ADGB: variants seen among roughly 807,000 people sequenced by gnomAD.
The protein encoded by ADGB is calpain-7-like protein.
A neutral mutation model predicts 210.5 loss-of-function variants in ADGB; 172 were observed. That is an observed-to-expected ratio of 0.82 (90% CI 0.72 to 0.93). The LOEUF is 0.93. Among genes scored for constraint, ADGB ranks in the 40% least tolerant of loss-of-function variants. The pLI, the probability that ADGB is intolerant of heterozygous loss-of-function variation, is 0.00. For missense variants in ADGB, 2,025 were observed against 1,964.8 expected (o/e 1.03, Z -0.58); for synonymous variants, 658 against 662.7 (o/e 0.99, Z 0.11).
chr6:146,633,518 A>C (rs1325687552), intron 1 of ADGB, among the ~76,000 whole-genome samples: 1 of 151,776 alleles, frequency 6.6e-6, no homozygotes, highest in East Asian at 1.9e-4. Context: ...CCTCCCACTC[A>C]CACAGCTTAA....
rs6928612 is a variant in ADGB, at chr6:146,699,026, T to C, written c.1578-1915T>C. On this transcript the variant is annotated intron_variant, in intron 12 of 35. Transcript: ENST00000397944. ...TTTTTCTAAACTTAACATAAAAATG[T>C]TAATGCTTCATGATTTCTGATTAAT... Among the ~76,000 whole-genome samples the C allele has an allele frequency of 6.4e-3, 971 of 152,316 alleles. 12 individuals are homozygous for C. Among genetic ancestry groups the C allele is most frequent in the African/African-American group, 0.021 (872 of 41,580 alleles).
At chr6:146,805,535 A>G (rs1778198060) in intron 35 of ADGB, among the ~76,000 whole-genome samples, 1 of 152,206 alleles carries the variant, frequency 6.6e-6, no homozygotes, top group Non-Finnish European at 1.5e-5. Context: ...TTTACATTTC[A>G]TTAAGAAATA....
At chr6:146,650,597 CAAAAAAAAAAAAAAAAAAAAAAA>C (rs57913607) in intron 3 of ADGB, among the ~76,000 whole-genome samples, 3 of 36,536 alleles carry the variant, frequency 8.2e-5, no homozygotes, top group African/African-American at 1.3e-4. Context: ...TCCCTCCCAC[CAAAAAAAAAAAAAAAAAAAAAAA>C]AAAAAAAAAA....
chr6:146,652,453 A>G (rs978939519), intron 3 of ADGB, among the ~76,000 whole-genome samples: 3 of 152,174 alleles, frequency 2.0e-5, no homozygotes, highest in Admixed American at 6.5e-5. Flanking sequence ...TGCTGCTTGT[A>G]TAGATGAGTG....
chr6:146,733,225 C>G lies in ADGB; in HGVS notation c.2626C>G (p.Leu876Val), dbSNP rs766170871. The G allele has an allele frequency of 1.7e-5, 26 of 1,537,786 alleles. No individual in the cohort carries two copies. Among genetic ancestry groups the G allele is most frequent in the Non-Finnish European group, 2.3e-5 (26 of 1,139,884 alleles). ...GGCTATGGTTTTGGACTTGGAGTTA[C>G]TCAATTCCTCCTTGGAAGAGGTTTC... ...FRAMVLDLEL[L>V]NSSLEEVSLV... The change falls in exon 21 of 36, where the codon CTC (leucine) becomes GTC (valine). Residue 876 changes from leucine to valine, a missense_variant. Physicochemically the swap from Leu to Val is conservative, Grantham distance 32 (BLOSUM62 1). Transcript: ENST00000397944.
intron 12 of ADGB, among the ~76,000 whole-genome samples, chr6:146,698,061 A>G (rs2114540463): frequency 6.6e-6 from 1 of 152,298 alleles, no homozygotes. Context: ...TGGTGTTGGA[A>G]GTAACCAATG....
intron 35 of ADGB, among the ~76,000 whole-genome samples, chr6:146,806,561 C>T (rs181101343): frequency 3.7e-4 from 56 of 152,270 alleles, no homozygotes; most frequent in African/African-American, 1.3e-3. Flanking sequence ...GCTTTTCCAA[C>T]ATCTCAATAA....
At position 146,616,900 on chromosome 6, in the gene ADGB, T is replaced by G. The variant is rs558780917; in HGVS notation, c.74+17786T>G. ...GTGTGATGCCTCGAGCTTTGTCCTT[T>G]TCATTGAGGATTGCTTTGGTTATTC... On this transcript the variant is annotated intron_variant, in intron 1 of 35. Transcript: ENST00000397944. Among the ~76,000 whole-genome samples the G allele has an allele frequency of 2.0e-5, 3 of 152,266 alleles. No individual in the cohort carries two copies. The East Asian group carries it at 5.8e-4, about 29-fold the overall frequency.
At chr6:146,777,917 G>A in intron 29 of ADGB, among the ~76,000 whole-genome samples, 1 of 152,276 alleles carries the variant, frequency 6.6e-6, no homozygotes, top group African/African-American at 2.4e-5. Context: ...GCCTCAAGAT[G>A]TGCATTTTAC....
At position 146,740,528 on chromosome 6, in the gene ADGB, TG is replaced by T. The variant is rs1463838967; in HGVS notation, c.2959del (p.Ala987LeufsTer7). On this transcript the variant is annotated frameshift_variant, in exon 24 of 36. Coordinates refer to ENST00000397944, the MANE Select transcript of ADGB (RefSeq NM_024694.4). LOFTEE classifies it high-confidence loss of function. ...PCYQDEETKIAFADYTVTYQE... is the reference protein window; with the variant it reads ...PCYQDEETKIXFADYTVTYQE... ...GCTATCAAGATGAAGAAACTAAGATTGCTTTTGCAGATTATACTGTGACTTA... is the reference window on the plus strand; with the variant it reads ...GCTATCAAGATGAAGAAACTAAGATTCTTTTGCAGATTATACTGTGACTTA... The T allele has an allele frequency of 1.9e-6, 3 of 1,550,452 alleles. No individual in the cohort carries two copies. The highest frequency in any genetic ancestry group is 1.7e-6 in the Non-Finnish European group (2 of 1,146,278).
intron 12 of ADGB, among the ~76,000 whole-genome samples, chr6:146,700,035 C>T (rs1021318120): frequency 2.0e-5 from 3 of 152,214 alleles, no homozygotes; most frequent in African/African-American, 7.2e-5. Context: ...ACATATTCAT[C>T]TCTGACAGAG....
intron 1 of ADGB, among the ~76,000 whole-genome samples, chr6:146,627,242 G>A (rs1368159210): frequency 5.3e-5 from 8 of 152,034 alleles, no homozygotes. Flanking sequence ...ACCTGTGTCA[G>A]TTATGTGTTT....
At chr6:146,617,333 A>G (rs1431213191) in intron 1 of ADGB, among the ~76,000 whole-genome samples, 8 of 151,816 alleles carry the variant, frequency 5.3e-5, no homozygotes, top group Admixed American at 6.6e-5. Context: ...CAGTTCTGTA[A>G]TTTGGTGGAG....
At chr6:146,715,157 G>T (rs774440152) in intron 13 of ADGB, among the ~76,000 whole-genome samples, 1 of 152,072 alleles carries the variant, frequency 6.6e-6, no homozygotes, top group Non-Finnish European at 1.5e-5. Context: ...CATATTCTGT[G>T]TCTTAATGTG....
rs571395048 is a variant in ADGB at position 146,706,629 on chromosome 6, G to C, written c.1707+5559G>C. On this transcript the variant is annotated intron_variant, in intron 13 of 35. Coordinates refer to ENST00000397944, the MANE Select transcript of ADGB (RefSeq NM_024694.4). ...TTTTATGATTCAGTCTTGGTAACTT[G>C]TATAATATGTCTAGAAATTTGTTTC... is the stretch of plus-strand genomic sequence containing the variant. Among the ~76,000 whole-genome samples, 46 of 152,064 alleles carry C rather than the reference G, an allele frequency of 3.0e-4. 1 individual carries two copies. In the South Asian group the frequency reaches 7.7e-3, roughly 25 times the overall value.
At chr6:146,802,062 C>T (rs1272078627) in intron 35 of ADGB, 51 bp downstream of exon 35, 2 of 1,205,968 alleles carry the variant, frequency 1.7e-6, no homozygotes, top group Non-Finnish European at 2.2e-6. Context: ...TCTTTCGTAA[C>T]ATTAAAAAGA....
At chr6:146,632,011 C>T (rs192927073) in intron 1 of ADGB, among the ~76,000 whole-genome samples, 6 of 151,558 alleles carry the variant, frequency 4.0e-5, no homozygotes, top group South Asian at 4.2e-4. Context: ...TCCAAGGTAT[C>T]GCCTTCCAGT....
At chr6:146,679,833 A>G (rs192145887) in intron 9 of ADGB, among the ~76,000 whole-genome samples, 2 of 152,240 alleles carry the variant, frequency 1.3e-5, no homozygotes, top group East Asian at 1.9e-4. Flanking sequence ...CCGAAGTTCT[A>G]TAAGAATGAA....
At chr6:146,782,247 T>A in intron 30 of ADGB, 55 bp downstream of exon 30, 1 of 1,408,944 alleles carries the variant, frequency 7.1e-7, no homozygotes. Flanking sequence ...GTTCAGTGGA[T>A]TCCTATTTGC....
Sources: gnomAD v4.1 joint callset for allele counts (sites outside exome capture counted in the v4.1 genomes callset) on GRCh38, gnomAD v4.1.1 for gene constraint, MANE v1.5 for transcripts, NCBI Gene and HGNC (gene_info 2026-07-23, HGNC 2026-07-21) for gene names.